MSI2: variants seen among roughly 807,000 people sequenced by gnomAD.
MSI2 encodes musashi RNA binding protein 2, also known as RNA-binding protein Musashi homolog 2.
A neutral mutation model predicts 45.6 loss-of-function variants in MSI2; 17 were observed. The ratio of observed to expected loss-of-function variants is 0.37; its 90% CI spans 0.26 to 0.56. The LOEUF is 0.56. Among genes scored for constraint, MSI2 ranks in the 20% least tolerant of loss-of-function variants. MSI2 has a pLI of 0.77. For synonymous variants in MSI2, 156 were observed against 158.2 expected, an observed-to-expected ratio of 0.99 and a Z score of 0.11; for missense variants, 293 against 444.2, an observed-to-expected ratio of 0.66 and a Z score of 3.06.
chr17:57,529,539 C>G lies in MSI2; in HGVS notation c.406-137C>G. The stretch of plus-strand genomic sequence containing the variant: ...GTTTTTTTTTCTTTCTACTTTTTTG[C>G]ATTTTCAAATATTTTTTGATAAGCA... On this transcript the variant is annotated intron_variant, in intron 6 of 13. Transcript: ENST00000284073. This position sits in a 1 kb window ranked among gnomAD's most constrained non-coding sequence, Gnocchi z 5.3. 1.4e-6 allele frequency: 1 copy of G among 737,808 alleles called. No homozygotes were observed. The highest frequency in any genetic ancestry group is 1.7e-5 in the South Asian group (1 of 60,046). The allele number at this position is 737,808 out of a possible 1,614,324, so 45.7% of individuals were successfully genotyped here.
chr17:57,418,579 G>C (rs116792143), intron 6 of MSI2, among the ~76,000 whole-genome samples: 93 of 152,324 alleles, frequency 6.1e-4, no homozygotes, highest in African/African-American at 2.1e-3. Flanking sequence ...GGGTGCTCTT[G>C]CTCAAGGACA....
chr17:57,266,755 T>C (rs1907828632), intron 5 of MSI2: 1 of 150,616 alleles, frequency 6.6e-6, no homozygotes, highest in Admixed American at 6.6e-5. Flanking sequence ...GGCAGGGAAC[T>C]GTTGGTGGCT....
At chr17:57,472,994 G>C (rs1222041023) in intron 6 of MSI2, among the ~76,000 whole-genome samples, 4 of 151,932 alleles carry the variant, frequency 2.6e-5, no homozygotes, top group Non-Finnish European at 4.4e-5. Context: ...CCGGGTTCAA[G>C]TGATTCCCCT....
the MSI2 span, among the ~76,000 whole-genome samples, chr17:57,696,419 C>T: frequency 2.1e-4 from 32 of 152,178 alleles, no homozygotes; most frequent in Non-Finnish European, 4.0e-4. Context: ...CCAGGATTAC[C>T]TAAAATCTTG....
At chr17:57,373,670 C>T (rs2083452872) in intron 5 of MSI2, among the ~76,000 whole-genome samples, 1 of 152,170 alleles carries the variant, frequency 6.6e-6, no homozygotes, top group South Asian at 2.1e-4. Flanking sequence ...GAAGTCCCCA[C>T]CAAATTGGGA....
chr17:57,616,612 C>T (rs1406853706), intron 9 of MSI2: 2 of 149,300 alleles, frequency 1.3e-5, no homozygotes, highest in African/African-American at 2.5e-5. Context: ...TTTAAATAGC[C>T]TGTTTTACTC....
chr17:57,485,499 A>C (rs1414585175), intron 6 of MSI2, among the ~76,000 whole-genome samples: 1 of 152,220 alleles, frequency 6.6e-6, no homozygotes, highest in Non-Finnish European at 1.5e-5. Flanking sequence ...CACGCATGGA[A>C]GGGAAGGAAT....
intron 12 of MSI2, 22 bp from the exon 13 acceptor site, chr17:57,676,965 C>G: frequency 6.5e-7 from 1 of 1,530,946 alleles, no homozygotes; most frequent in Non-Finnish European, 9.1e-7. Flanking sequence ...CACTGATGAC[C>G]TTAACAATTG....
intron 6 of MSI2, among the ~76,000 whole-genome samples, chr17:57,471,125 A>G (rs971313336): frequency 6.6e-6 from 1 of 151,440 alleles, no homozygotes; most frequent in Non-Finnish European, 1.5e-5. Context: ...CTCACACCCT[A>G]CCCCCTACTC....
rs1002796408 is a variant in MSI2 at position 57,622,720 on chromosome 17, T to A, written c.653-4509T>A. On this transcript the variant is annotated intron_variant, in intron 9 of 13. Coordinates refer to ENST00000284073, the MANE Select transcript of MSI2 (RefSeq NM_138962.4). ...TAATCTGCTGGCGTTCACTAACAGA[T>A]CAAAAGATTGGAGATTGGCTGGAAC... is the stretch of plus-strand genomic sequence containing the variant. 2.0e-5 allele frequency among the ~76,000 whole-genome samples: 3 copies of A among 151,994 alleles called. No homozygotes were observed. In the East Asian group the frequency reaches 5.8e-4, roughly 29 times the overall value.
intron 6 of MSI2, among the ~76,000 whole-genome samples, chr17:57,519,394 C>G (rs539837171): frequency 6.6e-6 from 1 of 152,198 alleles, no homozygotes; most frequent in East Asian, 1.9e-4. Context: ...CTCCAGGAAG[C>G]AAGACACACT....
chr17:57,599,719 C>T (rs1905659448), intron 8 of MSI2, among the ~76,000 whole-genome samples: 1 of 152,188 alleles, frequency 6.6e-6, no homozygotes, highest in East Asian at 1.9e-4. Flanking sequence ...TCCACGTTCC[C>T]AGCACAGCCC....
Position 57,568,030 on chromosome 17 carries a change from G to A in MSI2, c.455-28838G>A, listed in dbSNP as rs34753053. On this transcript the variant is annotated intron_variant, in intron 7 of 13. Transcript: ENST00000284073. ...CCATAAGTGGTGGCTCTGAGATTGG[G>A]ACCTGAATTGATCTAACTCCAAGAC... Among the ~76,000 whole-genome samples the A allele has an allele frequency of 5.7e-3, 865 of 152,274 alleles. 8 individuals carry two copies. The highest frequency in any genetic ancestry group is 0.014 in the Middle Eastern group (4 of 294).
chr17:57,596,328 A>G lies in MSI2; in HGVS notation c.455-540A>G, dbSNP rs1363662026. Among the ~76,000 whole-genome samples the G allele has an allele frequency of 1.3e-5, 2 of 152,234 alleles. No homozygotes were observed. The highest frequency in any genetic ancestry group is 4.8e-5 in the African/African-American group (2 of 41,468). On this transcript the variant is annotated intron_variant, in intron 7 of 13. Coordinates refer to ENST00000284073, the MANE Select transcript of MSI2 (RefSeq NM_138962.4). The surrounding 1 kb of genome is among the most constrained non-coding windows in gnomAD (Gnocchi z 4.6). ...CAGAGCGCTTTTGAAGCAGCAGTAT[A>G]AAAAGGATGCCTGCGCGGAACAGAG... is the stretch of plus-strand genomic sequence containing the variant.
the MSI2 span, among the ~76,000 whole-genome samples, chr17:57,698,900 TG>T: frequency 2.1e-5 from 2 of 96,690 alleles, no homozygotes; most frequent in African/African-American, 3.6e-5. Context: ...GAAGTGTGTG[TG>T]TGTGTGTGTG....
At chr17:57,659,656 A>G (rs12325892) in intron 11 of MSI2, among the ~76,000 whole-genome samples, 2,289 of 152,238 alleles carry the variant, frequency 0.015, 67 homozygotes, top group African/African-American at 0.052. Context: ...AGCCCTCTGG[A>G]GAAGCCGTGT....
At chr17:57,442,281 C>T (rs148282058) in intron 6 of MSI2, among the ~76,000 whole-genome samples, 2,539 of 152,134 alleles carry the variant, frequency 0.017, 38 homozygotes, top group Non-Finnish European at 0.02. Flanking sequence ...GTGATCTGCC[C>T]GCCTCAGCCT....
chr17:57,307,645 G>A (rs758761984), intron 5 of MSI2, among the ~76,000 whole-genome samples: 14 of 151,914 alleles, frequency 9.2e-5, no homozygotes, highest in Admixed American at 2.0e-4. Flanking sequence ...GGTTGGTCTC[G>A]AACTCCTGAC....
chr17:57,297,627 T>G (rs180740887), intron 5 of MSI2, among the ~76,000 whole-genome samples: 1 of 152,332 alleles, frequency 6.6e-6, no homozygotes, highest in East Asian at 1.9e-4. Flanking sequence ...TGATTGACTC[T>G]TCCTTTCACG....
Sources: allele counts gnomAD v4.1 joint callset (sites outside exome capture counted in the v4.1 genomes callset), GRCh38; gene constraint gnomAD v4.1.1; non-coding constraint Gnocchi (gnomAD v3.1); transcripts MANE v1.5; gene names NCBI Gene and HGNC (gene_info 2026-07-23, HGNC 2026-07-21).